Variants in SPTLC3 observed in about 807,000 individuals in gnomAD.
SPTLC3 encodes the protein serine palmitoyltransferase 3.
SPTLC3 carries 36 observed loss-of-function variants against 59.3 expected under a neutral mutation model. That is an observed-to-expected ratio of 0.61 (90% CI 0.47 to 0.80). The LOEUF is 0.80. Among genes scored for constraint, SPTLC3 ranks in the 30% least tolerant of loss-of-function variants. The pLI is 0.00. For missense variants in SPTLC3, 625 were observed against 685.1 expected (o/e 0.91, Z 0.98); for synonymous variants, 257 against 240.8 (o/e 1.07, Z -0.62).
intron 4 of SPTLC3, among the ~76,000 whole-genome samples, chr20:13,075,203 GAGAT>G (rs1188354631): frequency 6.6e-6 from 1 of 151,304 alleles, no homozygotes; most frequent in Non-Finnish European, 1.5e-5. Context: ...GGAAGAATCT[GAGAT>G]CATGGCACCT....
At chr20:13,133,846 G>A (rs1414869130) in intron 9 of SPTLC3, among the ~76,000 whole-genome samples, 1 of 152,162 alleles carries the variant, frequency 6.6e-6, no homozygotes, top group Non-Finnish European at 1.5e-5. Flanking sequence ...AGTTCATGTA[G>A]CATTTTCACT....
chr20:13,076,546 T>A (rs1398129359), intron 4 of SPTLC3, among the ~76,000 whole-genome samples: 3 of 151,654 alleles, frequency 2.0e-5, no homozygotes, highest in Non-Finnish European at 4.4e-5. Context: ...AAAATCCATG[T>A]AACAAAAGAG....
chr20:13,139,078 A>G (rs2038319928), intron 9 of SPTLC3, among the ~76,000 whole-genome samples: 1 of 152,170 alleles, frequency 6.6e-6, no homozygotes, highest in African/African-American at 2.4e-5. Context: ...TAAGCATCCA[A>G]AATGACATTT....
At chr20:13,044,031 T>C (rs1204745521) in intron 1 of SPTLC3, among the ~76,000 whole-genome samples, 1 of 152,108 alleles carries the variant, frequency 6.6e-6, no homozygotes, top group Non-Finnish European at 1.5e-5. Context: ...GCTGTCTCCT[T>C]AGAGGACCCT....
chr20:13,080,786 TA>T (rs1160372656), intron 4 of SPTLC3, among the ~76,000 whole-genome samples: 1 of 152,160 alleles, frequency 6.6e-6, no homozygotes, highest in Admixed American at 6.5e-5. Flanking sequence ...ATTTTGTCTT[TA>T]AAAAATGAAT....
intron 11 of SPTLC3, among the ~76,000 whole-genome samples, chr20:13,160,882 G>C (rs989515761): frequency 7.9e-5 from 12 of 152,222 alleles, no homozygotes; most frequent in Non-Finnish European, 1.5e-4. Flanking sequence ...GAGTGGAGAA[G>C]ATTCACAGGG....
chr20:13,118,926 C>A (rs1032249152), intron 8 of SPTLC3, among the ~76,000 whole-genome samples: 2 of 152,252 alleles, frequency 1.3e-5, no homozygotes, highest in African/African-American at 4.8e-5. Context: ...GGCCTTTACC[C>A]TTCAATAAGC....
chr20:13,074,601 T>G, intron 4 of SPTLC3, 104 bp downstream of exon 4: 1 of 1,264,172 alleles, frequency 7.9e-7, no homozygotes, highest in Non-Finnish European at 1.1e-6. Context: ...CTTAAAAAGG[T>G]GTTATAAACT....
chr20:13,019,632 C>T (rs907194877), intron 1 of SPTLC3, among the ~76,000 whole-genome samples: 1 of 152,064 alleles, frequency 6.6e-6, no homozygotes, highest in African/African-American at 2.4e-5. Context: ...ATATTAAGTC[C>T]CAAAGTGTTC....
At chr20:13,148,163 G>T (rs78585753) in intron 9 of SPTLC3, among the ~76,000 whole-genome samples, 1 of 152,090 alleles carries the variant, frequency 6.6e-6, no homozygotes, top group African/African-American at 2.4e-5. Flanking sequence ...ACATATTTTT[G>T]GAAATGCCAC....
chr20:13,010,545 G>A (rs538092389), intron 1 of SPTLC3, among the ~76,000 whole-genome samples: 3 of 152,294 alleles, frequency 2.0e-5, no homozygotes, highest in African/African-American at 4.8e-5. Context: ...GCTGGGAGGT[G>A]TCTATCAGAA....
intron 11 of SPTLC3, among the ~76,000 whole-genome samples, chr20:13,161,695 A>T (rs1365349680): frequency 2.0e-5 from 3 of 152,214 alleles, no homozygotes; most frequent in Non-Finnish European, 4.4e-5. Context: ...AAACTATTGG[A>T]TTAGCAATTA....
In SPTLC3 at chr20:13,111,458, G is replaced by A. The variant is rs1050411315; in HGVS notation, c.932+1241G>A. Among the ~76,000 whole-genome samples the A allele has an allele frequency of 1.3e-4, 20 of 152,328 alleles. 1 individual carries two copies. The East Asian group carries it at 2.1e-3, about 16-fold the overall frequency. On this transcript the variant is annotated intron_variant, in intron 7 of 11. Transcript: ENST00000399002. ...CCAGGGATGCTGCCAAGCATCCTAC[G>A]ATGCATGGGACAGCCCCTACAACAC...
intron 8 of SPTLC3, among the ~76,000 whole-genome samples, chr20:13,123,184 A>T (rs920568270): frequency 6.6e-6 from 1 of 152,132 alleles, no homozygotes; most frequent in Admixed American, 6.5e-5. Flanking sequence ...TACAAAAATT[A>T]GCCAGGAGTG....
chr20:13,133,670 G>T (rs1224509467), intron 9 of SPTLC3, among the ~76,000 whole-genome samples: 2 of 152,118 alleles, frequency 1.3e-5, no homozygotes, highest in Non-Finnish European at 2.9e-5. Context: ...GGAGGCGGAG[G>T]CTGCAGTGAG....
chr20:13,020,355 A>AAAAG (rs1555786645), intron 1 of SPTLC3, among the ~76,000 whole-genome samples: 87 of 149,064 alleles, frequency 5.8e-4, no homozygotes, highest in South Asian at 8.5e-4. Flanking sequence ...CTTAAAAAAA[A>AAAAG]AAAAGAAAAA....
At chr20:13,108,760 G>C (rs1325324105) in intron 6 of SPTLC3, among the ~76,000 whole-genome samples, 1 of 152,074 alleles carries the variant, frequency 6.6e-6, no homozygotes, top group Non-Finnish European at 1.5e-5. Flanking sequence ...ATTTTTAGTA[G>C]AGACTGGGTT....
chr20:13,153,152 T>C (rs527687948), intron 9 of SPTLC3, among the ~76,000 whole-genome samples: 1 of 152,348 alleles, frequency 6.6e-6, no homozygotes, highest in East Asian at 1.9e-4. Flanking sequence ...GAGCAAACAC[T>C]ATCTAGCTTT....
intron 8 of SPTLC3, among the ~76,000 whole-genome samples, chr20:13,125,390 T>A (rs892491822): frequency 1.3e-5 from 2 of 152,236 alleles, no homozygotes; most frequent in African/African-American, 4.8e-5. Flanking sequence ...TATCTGGTCC[T>A]AATATTCTGG....
Sources: gnomAD v4.1 joint callset for allele counts (sites outside exome capture counted in the v4.1 genomes callset) on GRCh38, gnomAD v4.1.1 for gene constraint, MANE v1.5 for transcripts, NCBI Gene and HGNC (gene_info 2026-07-23, HGNC 2026-07-21) for gene names.